The following SLC9C1 variants were observed in gnomAD, a reference collection of about 807,000 sequenced individuals.
The protein encoded by SLC9C1 is sodium/hydrogen exchanger 10.
A neutral mutation model predicts 140.9 loss-of-function variants in SLC9C1; 97 were observed. The ratio of observed to expected loss-of-function variants is 0.69; its 90% CI spans 0.58 to 0.82. The LOEUF is 0.82. Among genes scored for constraint, SLC9C1 ranks in the 40% least tolerant of loss-of-function variants. The pLI is 0.00. For synonymous variants in SLC9C1, 440 were observed against 442.6 expected, an observed-to-expected ratio of 0.99 and a Z score of 0.07; for missense variants, 1,340 against 1,389.3, an observed-to-expected ratio of 0.96 and a Z score of 0.56.
chr3:112,148,602 G>A (rs556871951), intron 28 of SLC9C1, among the ~76,000 whole-genome samples: 3 of 152,130 alleles, frequency 2.0e-5, no homozygotes, highest in Admixed American at 6.5e-5. Flanking sequence ...GCAGTTCATC[G>A]TACAAGCCTG....
chr3:112,251,743 T>C (rs1411119978), intron 10 of SLC9C1, among the ~76,000 whole-genome samples: 1 of 151,038 alleles, frequency 6.6e-6, no homozygotes, highest in African/African-American at 2.4e-5. Context: ...TTGCCTTTAG[T>C]GCAGCTGCCC....
intron 5 of SLC9C1, among the ~76,000 whole-genome samples, chr3:112,276,090 T>G (rs2080206808): frequency 6.6e-6 from 1 of 152,102 alleles, no homozygotes; most frequent in Admixed American, 6.6e-5. Flanking sequence ...GCAAGATCAG[T>G]AGAACCCAGC....
intron 23 of SLC9C1, among the ~76,000 whole-genome samples, chr3:112,175,225 G>T (rs931561562): frequency 2.6e-5 from 4 of 152,162 alleles, no homozygotes; most frequent in Non-Finnish European, 5.9e-5. Context: ...CTGGGTGTCC[G>T]CTCCAGTCCC....
intron 16 of SLC9C1, 75 bp downstream of exon 16, chr3:112,208,103 G>A (rs17505536): frequency 0.22 from 256,722 of 1,155,512 alleles, 31,249 homozygotes; most frequent in Non-Finnish European, 0.24. Flanking sequence ...TCTGTTGCTG[G>A]TGTTGAAAAA....
chr3:112,208,041 A>C (rs1474621609), intron 16 of SLC9C1, 137 bp downstream of exon 16: 24 of 605,614 alleles, frequency 4.0e-5, no homozygotes, highest in Non-Finnish European at 6.5e-5. Context: ...ACCTTCAAAA[A>C]TTAAAGTTTG....
At chr3:112,218,307 A>G (rs1265357776) in intron 14 of SLC9C1, among the ~76,000 whole-genome samples, 1 of 152,050 alleles carries the variant, frequency 6.6e-6, no homozygotes, top group Non-Finnish European at 1.5e-5. Context: ...GATCAGAAGG[A>G]GAGTAAGGCT....
chr3:112,200,312 G>T (rs7637868), intron 19 of SLC9C1, among the ~76,000 whole-genome samples: 149,321 of 152,210 alleles, frequency 0.98, 73,314 homozygotes, highest in East Asian at 1. Flanking sequence ...TTCAACTCAT[G>T]TAAGACCTAA....
intron 28 of SLC9C1, among the ~76,000 whole-genome samples, chr3:112,146,784 G>T (rs968224844): frequency 6.6e-6 from 1 of 152,112 alleles, no homozygotes; most frequent in Non-Finnish European, 1.5e-5. Flanking sequence ...TATACATTGT[G>T]GTTGATGGGT....
chr3:112,223,468 A>G (rs999223678), intron 13 of SLC9C1, among the ~76,000 whole-genome samples: 1 of 152,226 alleles, frequency 6.6e-6, no homozygotes, highest in Non-Finnish European at 1.5e-5. Context: ...CTAAAAGTAC[A>G]TCTATAGTTA....
chr3:112,241,017 A>G (rs7632931), intron 11 of SLC9C1, among the ~76,000 whole-genome samples: 88,827 of 150,652 alleles, frequency 0.59, 26,714 homozygotes, highest in East Asian at 0.79. Context: ...GATGGTTAAC[A>G]GGCACAAAAA....
intron 13 of SLC9C1, among the ~76,000 whole-genome samples, chr3:112,230,583 T>C (rs567322626): frequency 1.3e-5 from 2 of 152,306 alleles, no homozygotes; most frequent in South Asian, 4.1e-4. Context: ...ACTTGTCTGC[T>C]AAGACTACTG....
At chr3:112,168,781 G>A (rs1181736327) in intron 25 of SLC9C1, 96 bp downstream of exon 25, 2 of 1,187,822 alleles carry the variant, frequency 1.7e-6, no homozygotes, top group South Asian at 1.6e-5. Context: ...ATTGGAAGAT[G>A]AAAAGCTTAA....
intron 18 of SLC9C1, among the ~76,000 whole-genome samples, chr3:112,201,876 T>G (rs2077915460): frequency 6.6e-6 from 1 of 152,042 alleles, no homozygotes. Flanking sequence ...CTTTTGGGCA[T>G]TATGAGGAAG....
At position 112,221,175 on chromosome 3, in the gene SLC9C1, G is replaced by T; in HGVS notation, c.1623C>A (p.Val541=). The change falls in exon 14 of 29, where the codon GTC becomes GTA. Residue 541 remains valine (V), a synonymous_variant. Coordinates refer to ENST00000305815, the MANE Select transcript of SLC9C1 (RefSeq NM_183061.3). ...YRNEILSQSA[V]QVLVGAAESF... ...TTTCTGCTGCACCAACCAACACCTG[G>T]ACAGCACTCTGGGACAGAATCTCAT... 6.2e-7 allele frequency: 1 copy of T among 1,613,570 alleles called. No individual in the cohort carries two copies. The highest frequency in any genetic ancestry group is 1.1e-5 in the South Asian group (1 of 91,026).
At chr3:112,250,352 G>T in intron 10 of SLC9C1, among the ~76,000 whole-genome samples, 1 of 150,966 alleles carries the variant, frequency 6.6e-6, no homozygotes, top group East Asian at 1.9e-4. Flanking sequence ...TTGCTATTGT[G>T]AATAGTGCCA....
intron 10 of SLC9C1, among the ~76,000 whole-genome samples, chr3:112,258,057 G>C (rs577749512): frequency 2.0e-5 from 3 of 152,136 alleles, no homozygotes; most frequent in Non-Finnish European, 4.4e-5. Flanking sequence ...ATGCTGGCGA[G>C]GTTGCAGAGA....
intron 10 of SLC9C1, among the ~76,000 whole-genome samples, chr3:112,260,862 T>C (rs2079752984): frequency 6.6e-6 from 1 of 152,050 alleles, no homozygotes; most frequent in Admixed American, 6.6e-5. Flanking sequence ...CTGCAAAATC[T>C]CTGCTTGTTT....
chr3:112,161,356 C>T (rs1263300580), intron 26 of SLC9C1, among the ~76,000 whole-genome samples: 2 of 152,304 alleles, frequency 1.3e-5, no homozygotes, highest in Middle Eastern at 6.8e-3. Flanking sequence ...ATGCCTATGT[C>T]CTGAATGGTA....
intron 20 of SLC9C1, among the ~76,000 whole-genome samples, chr3:112,196,392 A>G (rs7647280): frequency 0.98 from 149,445 of 152,164 alleles, 73,453 homozygotes; most frequent in Middle Eastern, 1. Context: ...CCTACTTGGA[A>G]TTTGTTGAGA....
Sources: allele counts gnomAD v4.1 joint callset (sites outside exome capture counted in the v4.1 genomes callset), GRCh38; gene constraint gnomAD v4.1.1; transcripts MANE v1.5; gene names NCBI Gene and HGNC (gene_info 2026-07-23, HGNC 2026-07-21).